The following LZTS2 variants were observed in gnomAD, a reference collection of about 807,000 sequenced individuals.
The protein encoded by LZTS2 is leucine zipper tumor suppressor 2.
A neutral mutation model predicts 60.6 loss-of-function variants in LZTS2; 32 were observed. That is an observed-to-expected ratio of 0.53 (90% confidence interval 0.40 to 0.71). The LOEUF (loss-of-function observed/expected upper bound fraction) is 0.71. Ranked by LOEUF, LZTS2 falls within the 30% of genes least tolerant of loss-of-function variation. The probability of loss-of-function intolerance (pLI) is 0.00; values close to 1 mark genes in which losing one functional copy is unlikely to be tolerated. For synonymous variants in LZTS2, 360 were observed against 393.1 expected (o/e 0.92, Z 1.00); for missense variants, 792 against 901.9 (o/e 0.88, Z 1.56).
exon 1 of LZTS2, chr10:101,001,124 TCCACTGCA>T (rs1350204134): frequency 5.3e-5 from 8 of 152,258 alleles, no homozygotes; most frequent in Non-Finnish European, 1.5e-5. Context: ...GTTCACAGGC[TCCACTGCA>T]CCACTCACCT....
chr10:101,004,189 G>A, intron 2 of LZTS2, 23 bp downstream of exon 3: 3 of 1,577,532 alleles, frequency 1.9e-6, no homozygotes, highest in Non-Finnish European at 2.6e-6. Flanking sequence ...GCAATGATGG[G>A]GAAGGGGCAT....
intron 2 of LZTS2, among the ~76,000 whole-genome samples, chr10:101,004,513 G>A (rs1047709000): frequency 2.6e-5 from 4 of 152,196 alleles, no homozygotes; most frequent in Admixed American, 1.3e-4. Context: ...TGAGGTGGGC[G>A]GATCACTGGA....
At chr10:101,002,748 G>A (rs766707794) in exon 1 of LZTS2, 4 of 1,613,294 alleles carry the variant, frequency 2.5e-6, no homozygotes, top group Non-Finnish European at 2.5e-6. Flanking sequence ...ATGAGGCACA[G>A]GAGCCGCTGT....
chr10:101,001,927 C>T (rs1327045201), exon 1 of LZTS2: 7 of 152,198 alleles, frequency 4.6e-5, no homozygotes, highest in Admixed American at 1.3e-4. Context: ...CCCTAAGAGC[C>T]GCGGGTTTCT....
chr10:100,998,655 G>A (rs1851963487), upstream of LZTS2: 1 of 152,242 alleles, frequency 6.6e-6, no homozygotes, highest in Non-Finnish European at 1.5e-5. Context: ...CCGGGTCACC[G>A]AGACCCCTAG....
At position 101,003,369 on chromosome 10, in the gene LZTS2, G is replaced by A. The variant is rs200064145; in HGVS notation, c.409-138G>A. 3.9e-4 allele frequency: 312 copies of A among 808,826 alleles called. 1 individual carries two copies. In the East Asian group the frequency reaches 7.0e-3, roughly 18 times the overall value. The allele number at this position is 808,826 out of a possible 1,614,324, so 50.1% of individuals were successfully genotyped here. A position where few individuals can be genotyped will look rare whatever the true frequency, so the allele number is the denominator to read the frequency against. On this transcript the variant is annotated intron_variant, in intron 1 of 3. Coordinates refer to ENST00000370220, the Ensembl canonical transcript of LZTS2. ...ATTGCTTGACACAAAGCTGACACTG[G>A]TGGCCACCTCCACCAGTGGCCGCAA...
chr10:101,007,295 C>G (rs999432608), exon 4 of LZTS2: 15 of 1,422,896 alleles, frequency 1.1e-5, no homozygotes, highest in Non-Finnish European at 1.3e-5. Context: ...CTCCTAGGAT[C>G]CAGGCCTCTG....
exon 4 of LZTS2, chr10:101,007,407 A>G (rs1043124184): frequency 2.1e-6 from 3 of 1,431,606 alleles, no homozygotes; most frequent in African/African-American, 2.9e-5. Context: ...TCTTGTTACT[A>G]CCCACTTCAT....
At chr10:101,001,978 C>T (rs1340306095) in exon 1 of LZTS2, 1 of 152,308 alleles carries the variant, frequency 6.6e-6, no homozygotes, top group Non-Finnish European at 1.5e-5. Flanking sequence ...AGCCGCCTTT[C>T]TGTCTGAGAG....
At chr10:101,003,366 C>T (rs1852087457) in intron 1 of LZTS2, 141 bp from the exon 3 acceptor site, 1 of 783,602 alleles carries the variant, frequency 1.3e-6, no homozygotes, top group Non-Finnish European at 2.0e-6. Flanking sequence ...AAAGCTGACA[C>T]TGGTGGCCAC....
chr10:100,999,310 C>T (rs1851976551), upstream of LZTS2, among the ~76,000 whole-genome samples: 1 of 152,240 alleles, frequency 6.6e-6, no homozygotes, highest in African/African-American at 2.4e-5. Context: ...CCGCCTCCAA[C>T]CCGCCGTGGG....
exon 2 of LZTS2, chr10:101,004,031 A>C (rs1852110425): frequency 6.2e-7 from 1 of 1,613,096 alleles, no homozygotes; most frequent in Non-Finnish European, 8.5e-7. Flanking sequence ...GGGAGCGCTC[A>C]CCACCACCCC....
At position 101,006,846 on chromosome 10, in the gene LZTS2, C is replaced by T; in HGVS notation, c.1688C>T (p.Ala563Val). The T allele has an allele frequency of 1.3e-6, 2 of 1,537,098 alleles. No homozygotes were observed. Among genetic ancestry groups the T allele is most frequent in the Non-Finnish European group, 1.8e-6 (2 of 1,138,894 alleles). The stretch of plus-strand genomic sequence containing the variant: ...AGTGATGAGGCCAAAGTGCAGCGGG[C>T]AGCAGCCGGGGTTGGGGGCAGCTTG... The change falls in exon 4 of 4, where the codon GCA becomes GTA. Residue 563 changes from alanine to valine, a missense_variant. Transcript: ENST00000370220.
chr10:101,006,816 C>T (rs550892828), exon 4 of LZTS2: 114 of 1,544,024 alleles, frequency 7.4e-5, no homozygotes, highest in Non-Finnish European at 9.7e-5. Context: ...TTCCTCCTGG[C>T]AGAGAGTGAT....
At chr10:101,000,109 GA>G (rs1335793692) in exon 1 of LZTS2, 2 of 152,406 alleles carry the variant, frequency 1.3e-5, no homozygotes, top group African/African-American at 4.8e-5. Flanking sequence ...TCCCGCCGCA[GA>G]ATGGGAACTC....
chr10:101,006,720 A>T, exon 4 of LZTS2: 1 of 1,602,410 alleles, frequency 6.2e-7, no homozygotes, highest in Middle Eastern at 2.1e-4. Flanking sequence ...CAGGAAGCTG[A>T]GCAGCTGCGG....
upstream of LZTS2, among the ~76,000 whole-genome samples, chr10:100,998,051 G>A (rs1463818209): frequency 6.6e-6 from 1 of 152,234 alleles, no homozygotes; most frequent in South Asian, 2.1e-4. Flanking sequence ...CTGAGCGCCT[G>A]CGGGTCCCCT....
chr10:101,003,398 T>C, intron 1 of LZTS2, 109 bp from the exon 3 acceptor site: 1 of 1,206,242 alleles, frequency 8.3e-7, no homozygotes, highest in Non-Finnish European at 1.1e-6. Context: ...GCCGCAATTG[T>C]TATGAATATA....
rs184778971 is a variant in LZTS2 at position 101,002,228 on chromosome 10, C to T, written c.-311C>T. On this transcript the variant is annotated 5_prime_UTR_variant, in exon 1 of 4. Transcript: ENST00000370220. ...GATTGGGCTTGGGCCTGGGTCTTTG[C>T]TGCCAGGTGGCCCTGCGGTAATCAT... 7 of 258,252 alleles carry T rather than the reference C, an allele frequency of 2.7e-5. No homozygotes were observed. In the Admixed American group the frequency reaches 3.9e-4, roughly 14 times the overall value. 16.0% of individuals were successfully genotyped at this position (258,252 alleles called of 1,614,324 possible). A position where few individuals can be genotyped will look rare whatever the true frequency, so the allele number is the denominator to read the frequency against.
Sources: allele counts gnomAD v4.1 joint callset (sites outside exome capture counted in the v4.1 genomes callset), GRCh38; gene constraint gnomAD v4.1.1; transcripts MANE v1.5; gene names NCBI Gene and HGNC (gene_info 2026-07-23, HGNC 2026-07-21).